Variants in DGLUCY observed in about 807,000 individuals in gnomAD.
DGLUCY encodes the protein D-glutamate cyclase, mitochondrial.
A neutral mutation model predicts 58.5 loss-of-function variants in DGLUCY; 58 were observed. That is an observed-to-expected ratio of 0.99 (90% CI 0.80 to 1.23). DGLUCY has a LOEUF of 1.23. DGLUCY is among the 50% of genes most tolerant of loss of function. DGLUCY has a pLI of 0.00. For missense variants in DGLUCY, 779 were observed against 784.7 expected (o/e 0.99, Z 0.09); for synonymous variants, 325 against 314.1 (o/e 1.03, Z -0.37).
intron 1 of DGLUCY, among the ~76,000 whole-genome samples, chr14:91,154,870 G>C (rs1348456845): frequency 6.6e-6 from 1 of 152,176 alleles, no homozygotes; most frequent in Non-Finnish European, 1.5e-5. Flanking sequence ...CATGACAGGT[G>C]GGTCCCCATG....
intron 1 of DGLUCY, among the ~76,000 whole-genome samples, chr14:91,099,906 T>G (rs2044456604): frequency 6.6e-6 from 1 of 151,974 alleles, no homozygotes; most frequent in East Asian, 1.9e-4. Flanking sequence ...TCTACAAAAT[T>G]AGCCGGGCAT....
At chr14:91,166,151 G>C (rs11626656) in intron 3 of DGLUCY, among the ~76,000 whole-genome samples, 1 of 152,224 alleles carries the variant, frequency 6.6e-6, no homozygotes, top group Non-Finnish European at 1.5e-5. Context: ...CTAGAAGTCA[G>C]GATGGTTGGC....
chr14:91,203,884 C>T (rs2050722119), intron 11 of DGLUCY, among the ~76,000 whole-genome samples: 1 of 152,138 alleles, frequency 6.6e-6, no homozygotes, highest in African/African-American at 2.4e-5. Flanking sequence ...GCCATATTGG[C>T]CAGACTGGTC....
intron 1 of DGLUCY, among the ~76,000 whole-genome samples, chr14:91,157,226 G>GA: frequency 7.0e-6 from 1 of 143,282 alleles, no homozygotes; most frequent in East Asian, 2.1e-4. Context: ...TGGATGGATG[G>GA]ATGGGTGGAT....
At chr14:91,186,660 G>A (rs2049540901) in intron 8 of DGLUCY, among the ~76,000 whole-genome samples, 1 of 152,138 alleles carries the variant, frequency 6.6e-6, no homozygotes, top group South Asian at 2.1e-4. Context: ...GACTAAGTTT[G>A]TGAACATGCC....
chr14:91,207,580 T>C (rs1227023422), intron 12 of DGLUCY, among the ~76,000 whole-genome samples: 1 of 152,156 alleles, frequency 6.6e-6, no homozygotes, highest in African/African-American at 2.4e-5. Flanking sequence ...AGACATATCA[T>C]ATTCAAACTT....
chr14:91,068,214 G>C (rs2140022865), intron 1 of DGLUCY, among the ~76,000 whole-genome samples: 2 of 152,126 alleles, frequency 1.3e-5, no homozygotes, highest in East Asian at 3.9e-4. Context: ...TACCTTTCTA[G>C]CTTAGCAACC....
intron 1 of DGLUCY, among the ~76,000 whole-genome samples, chr14:91,077,625 G>A (rs1401476045): frequency 5.9e-5 from 9 of 151,842 alleles, no homozygotes; most frequent in South Asian, 2.1e-4. Context: ...AGTGGCATGC[G>A]CCTGTAGTCC....
At chr14:91,119,302 G>T (rs1368402157) in intron 1 of DGLUCY, among the ~76,000 whole-genome samples, 1 of 151,944 alleles carries the variant, frequency 6.6e-6, no homozygotes, top group African/African-American at 2.4e-5. Flanking sequence ...GAATTAGAGG[G>T]CAAACAGCTC....
chr14:91,193,198 C>T (rs923910319), intron 9 of DGLUCY, among the ~76,000 whole-genome samples: 1 of 152,190 alleles, frequency 6.6e-6, no homozygotes, highest in Non-Finnish European at 1.5e-5. Flanking sequence ...GCCGTGTTTC[C>T]GTAGGGCAGA....
intron 7 of DGLUCY, among the ~76,000 whole-genome samples, chr14:91,176,880 G>A (rs1383389167): frequency 1.3e-5 from 2 of 152,174 alleles, no homozygotes; most frequent in Non-Finnish European, 2.9e-5. Flanking sequence ...TGGATTGCAG[G>A]CATGAGCCAC....
intron 8 of DGLUCY, among the ~76,000 whole-genome samples, chr14:91,185,850 G>T (rs1029181319): frequency 6.6e-6 from 1 of 152,152 alleles, no homozygotes; most frequent in Non-Finnish European, 1.5e-5. Flanking sequence ...ATGAGGCTGG[G>T]GGAGGCAGAT....
At chr14:91,135,591 A>G (rs2140223291) in intron 1 of DGLUCY, among the ~76,000 whole-genome samples, 1 of 149,584 alleles carries the variant, frequency 6.7e-6, no homozygotes, top group East Asian at 2.0e-4. Context: ...CAGAGGTTGC[A>G]GCGAGCCGAG....
chr14:91,122,601 A>ATTTTTT (rs1566950755), intron 1 of DGLUCY, among the ~76,000 whole-genome samples: 3 of 65,856 alleles, frequency 4.6e-5, no homozygotes, highest in African/African-American at 2.2e-4. Context: ...AAAAGAAAAA[A>ATTTTTT]GTTTTTTTTT....
intron 3 of DGLUCY, among the ~76,000 whole-genome samples, chr14:91,160,764 TC>T (rs1461462340): frequency 6.6e-6 from 1 of 152,274 alleles, no homozygotes; most frequent in Non-Finnish European, 1.5e-5. Context: ...GACCAATTCT[TC>T]CTACCCTTGA....
intron 1 of DGLUCY, among the ~76,000 whole-genome samples, chr14:91,141,592 G>A (rs1041794389): frequency 3.6e-5 from 5 of 138,128 alleles, no homozygotes; most frequent in African/African-American, 1.1e-4. Flanking sequence ...TCACTCTGTC[G>A]CCAGGCTGGA....
At chr14:91,215,066 T>C (rs755795662) in intron 12 of DGLUCY, among the ~76,000 whole-genome samples, 6 of 152,122 alleles carry the variant, frequency 3.9e-5, no homozygotes, top group Non-Finnish European at 8.8e-5. Flanking sequence ...GGAGAATCGC[T>C]TGAACCCAGG....
chr14:91,194,015 A>G (rs2050060641), intron 9 of DGLUCY, among the ~76,000 whole-genome samples: 1 of 151,998 alleles, frequency 6.6e-6, no homozygotes, highest in African/African-American at 2.4e-5. Flanking sequence ...TGTGTTCCCC[A>G]CTTTGGGATA....
chr14:91,202,738 C>T (rs1045386121), intron 11 of DGLUCY, among the ~76,000 whole-genome samples: 9 of 152,200 alleles, frequency 5.9e-5, no homozygotes, highest in East Asian at 1.9e-4. Flanking sequence ...CTCCCACACC[C>T]GCAATGGGAC....
Sources: gnomAD v4.1 joint callset for allele counts (sites outside exome capture counted in the v4.1 genomes callset) on GRCh38, gnomAD v4.1.1 for gene constraint, MANE v1.5 for transcripts, NCBI Gene and HGNC (gene_info 2026-07-23, HGNC 2026-07-21) for gene names.